The following SEMA3D variants were observed in gnomAD, a reference collection of about 807,000 sequenced individuals.
The protein encoded by SEMA3D is semaphorin 3D.
A neutral mutation model predicts 100.1 loss-of-function variants in SEMA3D; 84 were observed. The observed-to-expected ratio is 0.84, with a 90% CI of 0.70 to 1.01. The LOEUF is 1.01. Ranked by LOEUF, SEMA3D falls within the 50% of genes least tolerant of loss-of-function variation. SEMA3D has a pLI of 0.00. For synonymous variants in SEMA3D, 312 were observed against 320.7 expected (o/e 0.97, Z 0.29); for missense variants, 875 against 934.1 (o/e 0.94, Z 0.82).
intron 5 of SEMA3D, among the ~76,000 whole-genome samples, chr7:85,078,004 T>C (rs1787934326): frequency 6.6e-6 from 1 of 152,120 alleles, no homozygotes; most frequent in South Asian, 2.1e-4. Flanking sequence ...AAAGTAGTGT[T>C]AAAGAATTTA....
the SEMA3D span, among the ~76,000 whole-genome samples, chr7:85,219,772 C>A: frequency 5.3e-5 from 8 of 151,886 alleles, no homozygotes; most frequent in East Asian, 1.9e-4. Context: ...AAATTATACA[C>A]GCAAAGTATG....
the SEMA3D span, among the ~76,000 whole-genome samples, chr7:85,214,469 T>C: frequency 6.6e-6 from 1 of 152,094 alleles, no homozygotes; most frequent in African/African-American, 2.4e-5. Flanking sequence ...GAATGAGATG[T>C]GTATCTCTTT....
intron 1 of SEMA3D, among the ~76,000 whole-genome samples, chr7:85,170,387 G>A (rs1419837822): frequency 6.6e-6 from 1 of 151,770 alleles, no homozygotes; most frequent in Non-Finnish European, 1.5e-5. Context: ...TATGTATGTG[G>A]AAAGATATTT....
chr7:85,159,818 T>C (rs916326956), intron 1 of SEMA3D: 69 of 984,150 alleles, frequency 7.0e-5, no homozygotes, highest in Non-Finnish European at 8.3e-5. Flanking sequence ...CAGTGCATAC[T>C]CTTTCCTTCA....
At chr7:85,174,263 G>A (rs559120247) in intron 1 of SEMA3D, among the ~76,000 whole-genome samples, 5 of 152,212 alleles carry the variant, frequency 3.3e-5, no homozygotes, top group Admixed American at 3.3e-4. Flanking sequence ...GTCTACTTCA[G>A]GGCCAGCCAT....
At chr7:85,075,597 T>C (rs1488199278) in intron 5 of SEMA3D, among the ~76,000 whole-genome samples, 1 of 152,140 alleles carries the variant, frequency 6.6e-6, no homozygotes, top group East Asian at 1.9e-4. Context: ...CTGATTGGGC[T>C]GACATGGAAT....
At chr7:85,187,794 T>G (rs548695523), upstream of SEMA3D, among the ~76,000 whole-genome samples, 1 of 152,306 alleles carries the variant, frequency 6.6e-6, no homozygotes, top group African/African-American at 2.4e-5. Context: ...CTTCTACAGA[T>G]TCTGCAAAAA....
At chr7:85,212,302 G>T in the SEMA3D span, among the ~76,000 whole-genome samples, 2 of 152,242 alleles carry the variant, frequency 1.3e-5, no homozygotes, top group East Asian at 3.9e-4. Context: ...AAAATTCAAA[G>T]TGACTTTCCT....
At chr7:85,170,511 CTA>C (rs1791055785) in intron 1 of SEMA3D, among the ~76,000 whole-genome samples, 1 of 151,864 alleles carries the variant, frequency 6.6e-6, no homozygotes, top group African/African-American at 2.4e-5. Flanking sequence ...ATAAAAAGTT[CTA>C]TGTCAGGCAG....
chr7:85,249,126 C>T, the SEMA3D span, among the ~76,000 whole-genome samples: 1 of 152,046 alleles, frequency 6.6e-6, no homozygotes, highest in Non-Finnish European at 1.5e-5. Flanking sequence ...TGCTGTTATC[C>T]TAAAATCACT....
intron 3 of SEMA3D, among the ~76,000 whole-genome samples, chr7:85,108,268 C>T (rs1234560429): frequency 6.6e-6 from 1 of 152,028 alleles, no homozygotes; most frequent in Non-Finnish European, 1.5e-5. Context: ...CTTTAACTCA[C>T]AGTATTTTAA....
intron 1 of SEMA3D, among the ~76,000 whole-genome samples, chr7:85,161,623 A>T (rs1790748212): frequency 6.6e-6 from 1 of 152,082 alleles, no homozygotes; most frequent in Non-Finnish European, 1.5e-5. Flanking sequence ...TAGGAGTGAG[A>T]TGGCTCTTCA....
chr7:85,228,441 T>G, the SEMA3D span, among the ~76,000 whole-genome samples: 1 of 152,132 alleles, frequency 6.6e-6, no homozygotes, highest in Non-Finnish European at 1.5e-5. Context: ...AAATCAGAGA[T>G]AGGAAGAGAG....
chr7:85,208,335 T>C, the SEMA3D span, among the ~76,000 whole-genome samples: 3 of 152,002 alleles, frequency 2.0e-5, no homozygotes, highest in African/African-American at 7.2e-5. Context: ...TCATCATCCA[T>C]AAGATATTGT....
At chr7:85,226,856 T>C in the SEMA3D span, among the ~76,000 whole-genome samples, 1 of 152,166 alleles carries the variant, frequency 6.6e-6, no homozygotes, top group Non-Finnish European at 1.5e-5. Context: ...ACGTACTTCT[T>C]TATTGAGTTT....
intron 12 of SEMA3D, among the ~76,000 whole-genome samples, chr7:85,032,930 T>C (rs1171342668): frequency 6.6e-6 from 1 of 152,070 alleles, no homozygotes; most frequent in African/African-American, 2.4e-5. Flanking sequence ...TAATAGGGGC[T>C]ACGGTGGAAA....
intron 9 of SEMA3D, among the ~76,000 whole-genome samples, chr7:85,045,008 A>C (rs1194428931): frequency 1.3e-5 from 2 of 152,078 alleles, no homozygotes; most frequent in Non-Finnish European, 2.9e-5. Flanking sequence ...AATTGAAAAA[A>C]ATTTTCAGAA....
At chr7:85,223,868 T>C in the SEMA3D span, among the ~76,000 whole-genome samples, 1 of 151,106 alleles carries the variant, frequency 6.6e-6, no homozygotes, top group Non-Finnish European at 1.5e-5. Context: ...AATGAACTTA[T>C]CCGTGTAACC....
chr7:85,212,241 G>A, the SEMA3D span, among the ~76,000 whole-genome samples: 1 of 152,094 alleles, frequency 6.6e-6, no homozygotes, highest in Non-Finnish European at 1.5e-5. Context: ...TATAGGGAGG[G>A]CACCTCTCAA....
Sources: gnomAD v4.1 joint callset for allele counts (sites outside exome capture counted in the v4.1 genomes callset) on GRCh38, gnomAD v4.1.1 for gene constraint, MANE v1.5 for transcripts, NCBI Gene and HGNC (gene_info 2026-07-23, HGNC 2026-07-21) for gene names.